Variants in ARHGAP18 observed in about 807,000 individuals in gnomAD.
ARHGAP18 encodes rho GTPase-activating protein 18.
In ARHGAP18, 67 loss-of-function variants were observed where a neutral mutation model predicts 86.2. The observed-to-expected ratio is 0.78, with a 90% CI of 0.64 to 0.95. ARHGAP18 has a LOEUF of 0.95. ARHGAP18 is among the 40% of genes least tolerant of loss of function. The pLI is 0.00. For synonymous variants in ARHGAP18, 283 were observed against 280.4 expected, an observed-to-expected ratio of 1.01 and a Z score of -0.09; for missense variants, 691 against 780.4, an observed-to-expected ratio of 0.89 and a Z score of 1.37.
chr6:129,708,126 G>A (rs540257057), intron 1 of ARHGAP18, among the ~76,000 whole-genome samples: 9 of 152,160 alleles, frequency 5.9e-5, no homozygotes, highest in African/African-American at 1.7e-4. Context: ...TATCTGATTC[G>A]TTAGCCCTTA....
At chr6:129,701,773 T>TAA (rs200564108) in intron 1 of ARHGAP18, among the ~76,000 whole-genome samples, 3 of 149,078 alleles carry the variant, frequency 2.0e-5, no homozygotes, top group African/African-American at 7.4e-5. Flanking sequence ...CCATCTCAAA[T>TAA]AAAAAAAAAC....
intron 1 of ARHGAP18, among the ~76,000 whole-genome samples, chr6:129,674,892 AATCTATG>A (rs1185333511): frequency 2.0e-5 from 3 of 152,160 alleles, no homozygotes; most frequent in Admixed American, 6.5e-5. Context: ...TGGCCAACTG[AATCTATG>A]ATTATTTCAC....
At position 129,624,551 on chromosome 6, in the gene ARHGAP18, T is replaced by C. The variant is rs190821564; in HGVS notation, c.786+4802A>G. Among the ~76,000 whole-genome samples the C allele has an allele frequency of 1.0e-3, 155 of 151,944 alleles. 1 individual carries two copies. The highest frequency in any genetic ancestry group is 3.5e-3 in the African/African-American group (147 of 41,444). ...AAAAACAAACACACACAAAAAACCA[T>C]ACTTTTCCTGAGGATAGTCTGGCAG... On this transcript the variant is annotated intron_variant, in intron 5 of 14. Transcript: ENST00000368149.
chr6:129,709,824 A>C (rs1774873115), intron 1 of ARHGAP18, among the ~76,000 whole-genome samples, 200 bp downstream of exon 1: 1 of 152,204 alleles, frequency 6.6e-6, no homozygotes, highest in Admixed American at 6.5e-5. Context: ...CTTCACCAGT[A>C]ATCATATGGG....
At chr6:129,590,863 T>C (rs1461909656) in intron 12 of ARHGAP18, among the ~76,000 whole-genome samples, 1 of 152,208 alleles carries the variant, frequency 6.6e-6, no homozygotes, top group Non-Finnish European at 1.5e-5. Flanking sequence ...ATTTCTGTAG[T>C]GATTCATCCC....
At chr6:129,706,175 GGTAAGAGAGAACA>G (rs1562731182) in intron 1 of ARHGAP18, among the ~76,000 whole-genome samples, 1 of 152,040 alleles carries the variant, frequency 6.6e-6, no homozygotes, top group Non-Finnish European at 1.5e-5. Context: ...AAAATGGGAA[GGTAAGAGAGAACA>G]GTAAGAATAG....
Position 129,662,733 on chromosome 6 carries a change from A to G in ARHGAP18, c.114-20715T>C, listed in dbSNP as rs148197528. On this transcript the variant is annotated intron_variant, in intron 1 of 14. Transcript: ENST00000368149. ...CAAGATTCACTGCTCTCTATGCCTT[A>G]ATTAATTGGTACTGCTTAAATATAG... Among the ~76,000 whole-genome samples, 640 of 152,326 alleles carry G rather than the reference A, an allele frequency of 4.2e-3. 7 individuals are homozygous for G. The highest frequency in any genetic ancestry group is 0.015 in the African/African-American group (609 of 41,584).
chr6:129,585,634 C>T (rs1373668456), intron 12 of ARHGAP18, among the ~76,000 whole-genome samples: 1 of 152,204 alleles, frequency 6.6e-6, no homozygotes, highest in Non-Finnish European at 1.5e-5. Flanking sequence ...CCCCACCTGC[C>T]TCCTTCCTCT....
intron 4 of ARHGAP18, among the ~76,000 whole-genome samples, chr6:129,633,292 G>T (rs1167928857): frequency 6.6e-6 from 1 of 151,348 alleles, no homozygotes. Flanking sequence ...AAAATTAGCT[G>T]GGCATGGTGG....
chr6:129,690,404 A>T (rs564465570), intron 1 of ARHGAP18, among the ~76,000 whole-genome samples: 1 of 152,358 alleles, frequency 6.6e-6, no homozygotes, highest in Admixed American at 6.5e-5. Flanking sequence ...CAAGTCATCA[A>T]TTATTACATA....
intron 3 of ARHGAP18, among the ~76,000 whole-genome samples, chr6:129,635,059 C>A (rs1440853159): frequency 6.6e-6 from 1 of 152,200 alleles, no homozygotes; most frequent in Non-Finnish European, 1.5e-5. Flanking sequence ...GCCGACTCTG[C>A]TCAGCAGTAA....
intron 6 of ARHGAP18, among the ~76,000 whole-genome samples, chr6:129,617,294 C>T (rs1789117401): frequency 6.6e-6 from 1 of 152,128 alleles, no homozygotes; most frequent in Non-Finnish European, 1.5e-5. Context: ...AAAGTGATAA[C>T]TTTTTCCTTT....
chr6:129,691,609 CA>C (rs767020178), intron 1 of ARHGAP18, among the ~76,000 whole-genome samples: 1 of 152,068 alleles, frequency 6.6e-6, no homozygotes, highest in African/African-American at 2.4e-5. Flanking sequence ...CGAGCGCTAT[CA>C]ATTAAAATTT....
chr6:129,620,354 T>C (rs1789202096), intron 5 of ARHGAP18, among the ~76,000 whole-genome samples: 2 of 152,242 alleles, frequency 1.3e-5, no homozygotes, highest in South Asian at 4.1e-4. Context: ...GGATTTTGGA[T>C]TTTTGGATTA....
At chr6:129,637,637 CCAAT>C (rs757838140) in intron 3 of ARHGAP18, among the ~76,000 whole-genome samples, 53 of 152,162 alleles carry the variant, frequency 3.5e-4, no homozygotes, top group Non-Finnish European at 4.9e-4. Flanking sequence ...CAAATTTTGA[CCAAT>C]CAAAGGTGGC....
chr6:129,634,392 A>G (rs912502929), intron 3 of ARHGAP18, among the ~76,000 whole-genome samples: 2 of 152,232 alleles, frequency 1.3e-5, no homozygotes, highest in African/African-American at 4.8e-5. Flanking sequence ...AGGAGAAAGG[A>G]CAAACATGTT....
intron 12 of ARHGAP18, among the ~76,000 whole-genome samples, chr6:129,596,444 G>A (rs1468385759): frequency 1.3e-5 from 2 of 152,124 alleles, no homozygotes; most frequent in Non-Finnish European, 2.9e-5. Context: ...AGTGCCAGGG[G>A]ATCTCCTTCC....
intron 10 of ARHGAP18, among the ~76,000 whole-genome samples, chr6:129,601,828 A>T (rs578149683): frequency 5.3e-5 from 8 of 151,460 alleles, no homozygotes; most frequent in African/African-American, 1.9e-4. Context: ...AATTCTCGCA[A>T]TGTTGCCCAG....
intron 11 of ARHGAP18, 114 bp from the exon 12 acceptor site, chr6:129,599,470 G>T: frequency 1.1e-6 from 1 of 931,618 alleles, no homozygotes; most frequent in Non-Finnish European, 1.5e-6. Flanking sequence ...TTCTCTTTTT[G>T]ATAAGACTGC....
Sources: allele counts gnomAD v4.1 joint callset (sites outside exome capture counted in the v4.1 genomes callset), GRCh38; gene constraint gnomAD v4.1.1; transcripts MANE v1.5; gene names NCBI Gene and HGNC (gene_info 2026-07-23, HGNC 2026-07-21).